The following ENTREP2 variants were observed in gnomAD, a reference collection of about 807,000 sequenced individuals.
The protein encoded by ENTREP2 is endosomal transmembrane epsin interactor 2, also known as protein ENTREP2.
chr15:29,146,854 G>C, the ENTREP2 span, among the ~76,000 whole-genome samples: 8 of 152,164 alleles, frequency 5.3e-5, no homozygotes, highest in South Asian at 1.7e-3. Context: ...AGAATTGCTT[G>C]AACCTGGGAG....
chr15:29,561,807 C>A, the ENTREP2 span, among the ~76,000 whole-genome samples: 1 of 152,064 alleles, frequency 6.6e-6, no homozygotes, highest in African/African-American at 2.4e-5. Context: ...CAATCATCAA[C>A]GGATGTGAAG....
the ENTREP2 span, among the ~76,000 whole-genome samples, chr15:29,341,144 A>G: frequency 5.9e-4 from 90 of 152,348 alleles, no homozygotes; most frequent in Non-Finnish European, 1.1e-3. Context: ...CTGAAGGCTT[A>G]TAGAGTAGAC....
At chr15:29,588,383 G>C in the ENTREP2 span, among the ~76,000 whole-genome samples, 2 of 151,754 alleles carry the variant, frequency 1.3e-5, no homozygotes, top group Non-Finnish European at 2.9e-5. Flanking sequence ...CAGGAGAATC[G>C]CTTGAACCTG....
At chr15:29,494,157 A>T in the ENTREP2 span, among the ~76,000 whole-genome samples, 1 of 152,126 alleles carries the variant, frequency 6.6e-6, no homozygotes, top group Non-Finnish European at 1.5e-5. Context: ...AAATTCAAAA[A>T]CATATACAAA....
the ENTREP2 span, among the ~76,000 whole-genome samples, chr15:29,492,868 G>A: frequency 2.0e-5 from 3 of 151,682 alleles, no homozygotes; most frequent in Admixed American, 6.6e-5. Context: ...GCCAGGCGTG[G>A]TGGCGGGCAC....
chr15:29,643,126 T>C, the ENTREP2 span, among the ~76,000 whole-genome samples: 1 of 152,114 alleles, frequency 6.6e-6, no homozygotes, highest in Non-Finnish European at 1.5e-5. Context: ...TTCTTAGAGA[T>C]GACACCAAAA....
At chr15:29,628,832 C>A in the ENTREP2 span, among the ~76,000 whole-genome samples, 1 of 152,140 alleles carries the variant, frequency 6.6e-6, no homozygotes, top group African/African-American at 2.4e-5. Flanking sequence ...TCACTGCAAC[C>A]TCTACCTCCT....
chr15:29,199,170 C>G, the ENTREP2 span, among the ~76,000 whole-genome samples: 1 of 152,196 alleles, frequency 6.6e-6, no homozygotes, highest in African/African-American at 2.4e-5. Context: ...AATACAAAGC[C>G]ACTTTCCAAA....
the ENTREP2 span, among the ~76,000 whole-genome samples, chr15:29,364,255 T>A: frequency 6.6e-6 from 1 of 152,274 alleles, no homozygotes; most frequent in African/African-American, 2.4e-5. Flanking sequence ...TTTGGTTATA[T>A]TTTAAGGTCT....
the ENTREP2 span, among the ~76,000 whole-genome samples, chr15:29,356,296 A>ATATATATAT: frequency 1.5e-4 from 5 of 34,392 alleles, no homozygotes; most frequent in African/African-American, 4.4e-4. Flanking sequence ...ATATATATAT[A>ATATATATAT]TTTTTTTTTT....
At chr15:29,200,186 T>C in the ENTREP2 span, among the ~76,000 whole-genome samples, 1 of 151,286 alleles carries the variant, frequency 6.6e-6, no homozygotes, top group Non-Finnish European at 1.5e-5. Flanking sequence ...CCATATACAT[T>C]TTTTTTTTGA....
the ENTREP2 span, among the ~76,000 whole-genome samples, chr15:29,643,408 A>C: frequency 1.6e-3 from 237 of 152,308 alleles, no homozygotes; most frequent in African/African-American, 5.6e-3. Flanking sequence ...AGGGAAATGC[A>C]AATCTAAACC....
the ENTREP2 span, among the ~76,000 whole-genome samples, chr15:29,499,021 G>A: frequency 3.3e-5 from 5 of 151,960 alleles, no homozygotes; most frequent in African/African-American, 7.3e-5. Context: ...CTTCACATTC[G>A]GTTTATGTAT....
chr15:29,126,185 A>T, the ENTREP2 span: 1 of 1,140,616 alleles, frequency 8.8e-7, no homozygotes, highest in Non-Finnish European at 1.2e-6. Flanking sequence ...CCGGGCCTCC[A>T]CTCTCAGGGG....
At chr15:29,347,598 C>CA in the ENTREP2 span, among the ~76,000 whole-genome samples, 6 of 151,904 alleles carry the variant, frequency 3.9e-5, no homozygotes, top group East Asian at 1.2e-3. Context: ...GAAAACAAAT[C>CA]AAAAAAATAC....
chr15:29,318,478 A>G, the ENTREP2 span, among the ~76,000 whole-genome samples: 1 of 151,836 alleles, frequency 6.6e-6, no homozygotes, highest in African/African-American at 2.4e-5. Flanking sequence ...CTGCCAGCAC[A>G]CCTGGCTAAT....
At chr15:29,400,798 G>A in the ENTREP2 span, among the ~76,000 whole-genome samples, 4 of 152,184 alleles carry the variant, frequency 2.6e-5, no homozygotes, top group South Asian at 2.1e-4. Context: ...CTCAATCCCA[G>A]GGCCTCTCTG....
chr15:29,462,059 T>C, the ENTREP2 span, among the ~76,000 whole-genome samples: 6 of 152,184 alleles, frequency 3.9e-5, no homozygotes, highest in Admixed American at 2.0e-4. Flanking sequence ...GGTTCATCCA[T>C]GGTGCAGCAT....
the ENTREP2 span, among the ~76,000 whole-genome samples, chr15:29,439,855 A>G: frequency 2.0e-5 from 3 of 152,156 alleles, no homozygotes; most frequent in African/African-American, 4.8e-5. Flanking sequence ...CACAGAGGAG[A>G]CATCTGGCAG....
Sources: allele counts gnomAD v4.1 joint callset (sites outside exome capture counted in the v4.1 genomes callset), GRCh38; gene constraint gnomAD v4.1.1; transcripts MANE v1.5; gene names NCBI Gene and HGNC (gene_info 2026-07-23, HGNC 2026-07-21).